NAPB: variants seen among roughly 807,000 people sequenced by gnomAD.
NAPB encodes beta-soluble NSF attachment protein.
Under a neutral mutation model 44.7 loss-of-function variants are expected in NAPB, and 26 were observed. The ratio of observed to expected loss-of-function variants is 0.58; its 90% CI spans 0.43 to 0.81. The LOEUF (loss-of-function observed/expected upper bound fraction) is 0.81. Among genes scored for constraint, NAPB ranks in the 30% least tolerant of loss-of-function variants. The pLI, the probability that NAPB is intolerant of heterozygous loss-of-function variation, is 0.00. For missense variants in NAPB, 315 were observed against 356.4 expected, an observed-to-expected ratio of 0.88 and a Z score of 0.94; for synonymous variants, 120 against 116.8, an observed-to-expected ratio of 1.03 and a Z score of -0.18.
At position 23,375,432 on chromosome 20, in the gene NAPB, CAGAG is replaced by C. The variant is rs1982434088; in HGVS notation, c.*1940_*1943del. On this transcript the variant is annotated 3_prime_UTR_variant, in exon 11 of 11. Transcript: ENST00000377026. ...CAAGTAGAAACAAACTACTTAAAAC[CAGAG>C]GACTCAAGCTGCAGAACCACTCCTC... is the stretch of plus-strand genomic sequence containing the variant. 2 of 152,140 alleles carry C rather than the reference CAGAG, an allele frequency of 1.3e-5. No individual in the cohort carries two copies. Among genetic ancestry groups the C allele is most frequent in the African/African-American group, 4.8e-5 (2 of 41,430 alleles). The allele number at this position is 152,140 out of a possible 1,614,324, so 9.4% of individuals were successfully genotyped here.
rs189861258 is a variant in NAPB at position 23,393,477 on chromosome 20, T to A, written c.420+1445A>T. Among the ~76,000 whole-genome samples the A allele has an allele frequency of 9.2e-5, 14 of 152,140 alleles. No homozygotes were observed. The East Asian group carries it at 2.5e-3, about 27-fold the overall frequency. On this transcript the variant is annotated intron_variant, in intron 5 of 10. Transcript: ENST00000377026. ...CCCAGACCAGGAAGACTCCATTTGG[T>A]ATGGTGGAGGTAGGGGTAGCATTTG...
chr20:23,398,545 T>TA (rs1219108211), intron 2 of NAPB, among the ~76,000 whole-genome samples: 1 of 152,116 alleles, frequency 6.6e-6, no homozygotes, highest in Non-Finnish European at 1.5e-5. Flanking sequence ...TTTAATTCTT[T>TA]AAAAAATTTT....
At chr20:23,420,969 G>A (rs6137942) in intron 1 of NAPB, among the ~76,000 whole-genome samples, 3 of 151,246 alleles carry the variant, frequency 2.0e-5, no homozygotes, top group African/African-American at 7.3e-5. Flanking sequence ...TGGGGGCTGA[G>A]GAACCCTGGG....
At chr20:23,380,107 T>C (rs1407787434) in intron 8 of NAPB, among the ~76,000 whole-genome samples, 172 bp from the exon 9 acceptor site, 1 of 152,250 alleles carries the variant, frequency 6.6e-6, no homozygotes, top group Non-Finnish European at 1.5e-5. Context: ...GAATTTTCCA[T>C]TTCAATAAAG....
intron 1 of NAPB, among the ~76,000 whole-genome samples, chr20:23,412,266 C>T (rs1985708394): frequency 1.3e-5 from 2 of 151,884 alleles, no homozygotes; most frequent in African/African-American, 4.9e-5. Context: ...CATACTTCAT[C>T]AGTCAAAGTC....
Position 23,402,980 on chromosome 20 carries a change from A to T in NAPB, c.178+13T>A. ...CCATTTGCCTAAAAAGCAAACAAAA[A>T]CTTTGTACATACCACTCCAATTTTT... On this transcript the variant is annotated intron_variant, in intron 2 of 10. Transcript: ENST00000377026. 1 of 1,606,352 alleles carries T rather than the reference A, an allele frequency of 6.2e-7. No homozygotes were observed. The highest frequency in any genetic ancestry group is 8.5e-7 in the Non-Finnish European group (1 of 1,175,866).
chr20:23,421,390 C>G lies in NAPB; in HGVS notation c.13G>C (p.Gly5Arg). 1 of 1,547,246 alleles carries G rather than the reference C, an allele frequency of 6.5e-7. No homozygotes were observed. Among genetic ancestry groups the G allele is most frequent in the Non-Finnish European group, 8.7e-7 (1 of 1,146,096 alleles). Residue 5 changes from glycine (G) to arginine (R), a missense_variant, in exon 1 of 11, where the codon GGG (glycine) becomes CGG (arginine). This residue lies in a region of NAPB where 179 missense variants were observed against 182.5 expected (regional missense o/e 0.98). Coordinates refer to ENST00000377026, the MANE Select transcript of NAPB (RefSeq NM_022080.3). ...AGCTGTACTGCCTCACGCTCCTTCC[C>G]CGCGTTGTCCATGTCGCCCGCCGCG... Reference protein sequence around the residue: MDNAGKEREAVQLMA... With the variant: MDNARKEREAVQLMA...
intron 3 of NAPB, 36 bp downstream of exon 3, chr20:23,397,036 C>A: frequency 6.3e-7 from 1 of 1,597,076 alleles, no homozygotes; most frequent in Non-Finnish European, 8.6e-7. Context: ...GTTAGTTACA[C>A]ACAGAGATAG....
At chr20:23,420,167 G>A (rs1986283549) in intron 1 of NAPB, among the ~76,000 whole-genome samples, 1 of 152,138 alleles carries the variant, frequency 6.6e-6, no homozygotes, top group Non-Finnish European at 1.5e-5. Context: ...ATATTCAACA[G>A]CCCAGAATTC....
intron 1 of NAPB, among the ~76,000 whole-genome samples, chr20:23,406,437 G>C (rs6106650): frequency 0.079 from 12,056 of 151,910 alleles, 1,122 homozygotes; most frequent in African/African-American, 0.22. Context: ...TGAATTGTAC[G>C]GTATGTGTAT....
chr20:23,413,228 T>C (rs1336190255), intron 1 of NAPB, among the ~76,000 whole-genome samples: 1 of 149,884 alleles, frequency 6.7e-6, no homozygotes, highest in African/African-American at 2.5e-5. Flanking sequence ...CTGATCATAA[T>C]GAAAAAAAAA....
Position 23,390,901 on chromosome 20 carries a change from C to A in NAPB, c.421-637G>T, listed in dbSNP as rs1307732818. Among the ~76,000 whole-genome samples, 3 of 152,282 alleles carry A rather than the reference C, an allele frequency of 2.0e-5. No homozygotes were observed. The East Asian group carries it at 5.8e-4, about 29-fold the overall frequency. On this transcript the variant is annotated intron_variant, in intron 5 of 10. Transcript: ENST00000377026. ...TCACCTAGAATAAGGGTGTTGCCGT[C>A]AATCTAAAATATATGGCATCAAGTG...
intron 1 of NAPB, among the ~76,000 whole-genome samples, chr20:23,410,257 A>G (rs1026109878): frequency 1.3e-5 from 2 of 152,216 alleles, no homozygotes; most frequent in African/African-American, 4.8e-5. Flanking sequence ...CTGTACCTAC[A>G]CAACGCAGCA....
At chr20:23,379,178 C>T (rs1982795101) in intron 10 of NAPB, 2 of 334,718 alleles carry the variant, frequency 6.0e-6, no homozygotes, top group African/African-American at 4.3e-5. Flanking sequence ...AAAATTAAAA[C>T]AGCAAATTAT....
intron 7 of NAPB, among the ~76,000 whole-genome samples, chr20:23,385,316 A>G (rs182734755): frequency 2.0e-5 from 3 of 152,304 alleles, no homozygotes; most frequent in East Asian, 1.9e-4. Context: ...GACATTATGT[A>G]ATGATAAAAG....
chr20:23,409,362 A>G (rs1985484675), intron 1 of NAPB, among the ~76,000 whole-genome samples: 1 of 152,232 alleles, frequency 6.6e-6, no homozygotes, highest in Non-Finnish European at 1.5e-5. Flanking sequence ...TCCTGAAATA[A>G]AGCTTATGAG....
chr20:23,379,291 G>A, intron 10 of NAPB, 154 bp downstream of exon 10: 1 of 558,208 alleles, frequency 1.8e-6, no homozygotes, highest in South Asian at 2.8e-5. Flanking sequence ...TTTAATTTGT[G>A]TGATATATAA....
chr20:23,411,933 A>G (rs1192055227), intron 1 of NAPB, among the ~76,000 whole-genome samples: 5 of 152,356 alleles, frequency 3.3e-5, no homozygotes, highest in Non-Finnish European at 5.9e-5. Context: ...GATCTGCTCA[A>G]AAAACAAAAC....
rs930439901 is a variant in NAPB at position 23,408,565 on chromosome 20, T to A, written c.99-5493A>T. On this transcript the variant is annotated intron_variant, in intron 1 of 10. Coordinates refer to ENST00000377026, the MANE Select transcript of NAPB (RefSeq NM_022080.3). ...AATTTATTTCCACCTGATGCTTCACTTCTGGAAACTCCACAGATTCTAAAA... is the reference window on the plus strand; with the variant it reads ...AATTTATTTCCACCTGATGCTTCACATCTGGAAACTCCACAGATTCTAAAA... 2.6e-5 allele frequency among the ~76,000 whole-genome samples: 4 copies of A among 152,252 alleles called. No homozygotes were observed. In the South Asian group the frequency reaches 6.2e-4, roughly 24 times the overall value.
Sources: allele counts gnomAD v4.1 joint callset (sites outside exome capture counted in the v4.1 genomes callset), GRCh38; gene constraint gnomAD v4.1.1; regional missense constraint gnomAD v4.1.1; transcripts MANE v1.5; gene names NCBI Gene and HGNC (gene_info 2026-07-23, HGNC 2026-07-21).